Variants in RIMS2 observed in about 807,000 individuals in gnomAD.
RIMS2 encodes regulating synaptic membrane exocytosis 2.
In RIMS2, 59 loss-of-function variants were observed where a neutral mutation model predicts 174.4. The observed-to-expected ratio is 0.34, with a 90% confidence interval of 0.27 to 0.42. The LOEUF (loss-of-function observed/expected upper bound fraction) is 0.42, where lower values mean the gene tolerates loss of function less well. Ranked by LOEUF, RIMS2 falls within the 10% of genes least tolerant of loss-of-function variation. The probability of loss-of-function intolerance (pLI) is 1.00; values close to 1 mark genes in which losing one functional copy is unlikely to be tolerated. For synonymous variants in RIMS2, 606 were observed against 572.5 expected (o/e 1.06, Z -0.84); for missense variants, 1,620 against 1,666.3 (o/e 0.97, Z 0.48).
At position 103,547,698 on chromosome 8, in the gene RIMS2, A is replaced by G. The variant is rs115227988; in HGVS notation, c.176+46636A>G. 4.9e-3 allele frequency among the ~76,000 whole-genome samples: 748 copies of G among 152,302 alleles called. 5 individuals are homozygous for G. The highest frequency in any genetic ancestry group is 0.018 in the African/African-American group (729 of 41,570). On this transcript the variant is annotated intron_variant, in intron 1 of 23. Transcript: ENST00000504942. ...AGGAAATTGAGATACACACAAAAAT[A>G]CAAAAGGTCATTGAATCCAAGAGTT...
rs920432378 is a variant in RIMS2, at chr8:104,194,921, A to G, written c.3335-49995A>G. On this transcript the variant is annotated intron_variant, in intron 19 of 23. Coordinates refer to ENST00000504942, the Ensembl canonical transcript of RIMS2. Reference sequence around the variant, plus strand: ...ACCTCTGATATGCAAGACAACTCACATAATTCAGTATTACTGAAGCTTGGT... The same window carrying G: ...ACCTCTGATATGCAAGACAACTCACGTAATTCAGTATTACTGAAGCTTGGT... Among the ~76,000 whole-genome samples the G allele has an allele frequency of 1.8e-4, 27 of 152,236 alleles. 1 individual carries two copies.
chr8:104,036,871 C>T (rs1472622847), intron 19 of RIMS2, among the ~76,000 whole-genome samples: 2 of 151,950 alleles, frequency 1.3e-5, no homozygotes, highest in Admixed American at 1.3e-4. Flanking sequence ...AGTGAGACTC[C>T]TTCTAAAAAC....
intron 19 of RIMS2, among the ~76,000 whole-genome samples, chr8:104,208,365 C>T (rs968618802): frequency 5.3e-5 from 8 of 152,034 alleles, no homozygotes; most frequent in Middle Eastern, 3.4e-3. Flanking sequence ...TTCAGGAGTT[C>T]GAGACCAGCC....
At chr8:103,666,119 A>G (rs924922140) in intron 1 of RIMS2, among the ~76,000 whole-genome samples, 7 of 152,212 alleles carry the variant, frequency 4.6e-5, no homozygotes, top group Non-Finnish European at 1.0e-4. Context: ...CCACATGGTC[A>G]GAGAGGATTT....
intron 1 of RIMS2, among the ~76,000 whole-genome samples, chr8:103,535,111 T>G (rs1839181319): frequency 6.6e-6 from 1 of 152,238 alleles, no homozygotes; most frequent in South Asian, 2.1e-4. Flanking sequence ...TAGAATGTAC[T>G]TATATATGGT....
chr8:104,129,659 T>C (rs2098459072), intron 19 of RIMS2, among the ~76,000 whole-genome samples: 1 of 152,228 alleles, frequency 6.6e-6, no homozygotes, highest in South Asian at 2.1e-4. Context: ...GATGGGCAGA[T>C]ATTTGTGGAT....
intron 1 of RIMS2, among the ~76,000 whole-genome samples, chr8:103,528,961 G>C (rs1262793671): frequency 1.3e-5 from 2 of 152,152 alleles, no homozygotes; most frequent in Non-Finnish European, 2.9e-5. Context: ...GGATGGCATT[G>C]AATCTATAAA....
intron 3 of RIMS2, among the ~76,000 whole-genome samples, chr8:103,800,418 G>C (rs1333425902): frequency 6.6e-6 from 1 of 152,086 alleles, no homozygotes; most frequent in Non-Finnish European, 1.5e-5. Flanking sequence ...CAGTCCTAGG[G>C]TGAATGCTTT....
At chr8:104,004,333 A>C (rs1028101689) in intron 17 of RIMS2, among the ~76,000 whole-genome samples, 1 of 152,194 alleles carries the variant, frequency 6.6e-6, no homozygotes, top group African/African-American at 2.4e-5. Flanking sequence ...AGAGGGAGGA[A>C]GAGGAGCTTC....
intron 19 of RIMS2, among the ~76,000 whole-genome samples, chr8:104,096,986 G>T (rs950807858): frequency 6.6e-6 from 1 of 152,118 alleles, no homozygotes; most frequent in African/African-American, 2.4e-5. Flanking sequence ...AGTCTTTATT[G>T]TGAGAGAAAA....
rs914156593 is a variant in RIMS2 at position 104,063,586 on chromosome 8, A to T, written c.3334+48971A>T. Among the ~76,000 whole-genome samples the T allele has an allele frequency of 2.6e-5, 4 of 152,290 alleles. No homozygotes were observed. In the South Asian group the frequency reaches 6.2e-4, roughly 24 times the overall value. ...AGAATTTGAAGTACTAATCAATGCA[A>T]TTTCTGACTTCCAAGATGTCTATAA... On this transcript the variant is annotated intron_variant, in intron 19 of 23. Coordinates refer to ENST00000504942, the Ensembl canonical transcript of RIMS2.
At chr8:104,248,892 T>TCTCTCTCTCTCTCTCC in intron 21 of RIMS2, 79 bp downstream of exon 27, 2 of 273,718 alleles carry the variant, frequency 7.3e-6, no homozygotes, top group Non-Finnish European at 1.3e-5. Flanking sequence ...CATAGAATCT[T>TCTCTCTCTCTCTCTCC]CTCTCTCTCT....
chr8:104,011,394 A>G (rs1017483029), intron 17 of RIMS2, among the ~76,000 whole-genome samples: 5 of 152,108 alleles, frequency 3.3e-5, no homozygotes, highest in Non-Finnish European at 5.9e-5. Context: ...AGAAAAATAT[A>G]TAAGTAAAAT....
intron 2 of RIMS2, among the ~76,000 whole-genome samples, chr8:103,740,611 C>T (rs1266802763): frequency 6.6e-6 from 1 of 152,020 alleles, no homozygotes; most frequent in African/African-American, 2.4e-5. Context: ...ACTTTGAATC[C>T]GTAATTTAAT....
intron 1 of RIMS2, among the ~76,000 whole-genome samples, chr8:103,531,471 A>G (rs1434455163): frequency 6.6e-6 from 1 of 152,220 alleles, no homozygotes; most frequent in East Asian, 1.9e-4. Flanking sequence ...TGGGTTGCTG[A>G]ACACCTGGAG....
chr8:103,604,480 G>A (rs1381742964), intron 1 of RIMS2, among the ~76,000 whole-genome samples: 3 of 151,984 alleles, frequency 2.0e-5, no homozygotes, highest in Non-Finnish European at 4.4e-5. Context: ...TTGGCAACGC[G>A]GGCTCTTTTT....
At chr8:104,097,686 A>G (rs1179134476) in intron 19 of RIMS2, among the ~76,000 whole-genome samples, 1 of 151,810 alleles carries the variant, frequency 6.6e-6, no homozygotes, top group Non-Finnish European at 1.5e-5. Context: ...GTTACTGTGC[A>G]TTGTGGCACT....
chr8:103,881,824 T>C (rs2099168592), intron 3 of RIMS2, among the ~76,000 whole-genome samples: 1 of 151,416 alleles, frequency 6.6e-6, no homozygotes, highest in Non-Finnish European at 1.5e-5. Context: ...GAGAAAGCAA[T>C]TCTAACAACA....
chr8:103,972,127 A>G (rs1049866357), intron 15 of RIMS2, among the ~76,000 whole-genome samples: 2 of 151,984 alleles, frequency 1.3e-5, no homozygotes, highest in Non-Finnish European at 2.9e-5. Flanking sequence ...AATTCTACTT[A>G]TTTTTTCTTT....
Sources: allele counts gnomAD v4.1 joint callset (sites outside exome capture counted in the v4.1 genomes callset), GRCh38; gene constraint gnomAD v4.1.1; transcripts MANE v1.5; gene names NCBI Gene and HGNC (gene_info 2026-07-23, HGNC 2026-07-21).